The following DYNC2H1 variants were observed in gnomAD, a reference collection of about 807,000 sequenced individuals.
DYNC2H1 encodes dynein cytoplasmic 2 heavy chain 1, also known as cytoplasmic dynein 2 heavy chain 1.
A neutral mutation model predicts 570.0 loss-of-function variants in DYNC2H1; 410 were observed. That is an observed-to-expected ratio of 0.72 (90% CI 0.66 to 0.78). The LOEUF (loss-of-function observed/expected upper bound fraction) is 0.78. Among genes scored for constraint, DYNC2H1 ranks in the 30% least tolerant of loss-of-function variants. DYNC2H1 has a pLI of 0.00. For missense variants in DYNC2H1, 4,865 were observed against 5,046.4 expected (o/e 0.96, Z 1.09); for synonymous variants, 1,688 against 1,677.6 (o/e 1.01, Z -0.15).
At position 103,334,236 on chromosome 11, in the gene DYNC2H1, A is replaced by G. The variant is rs1938993405; in HGVS notation, c.12039+10246A>G. On this transcript the variant is annotated intron_variant, in intron 82 of 88. Transcript: ENST00000375735. The surrounding 1 kb of genome is among the most constrained non-coding windows in gnomAD (Gnocchi z 4.3). Reference sequence around the variant, plus strand: ...TGAGGCAAACACAATAATCTATTCTAGTCTCTTCACCAGGTAGCTGTGTGA... The same window carrying G: ...TGAGGCAAACACAATAATCTATTCTGGTCTCTTCACCAGGTAGCTGTGTGA... 6.6e-6 allele frequency among the ~76,000 whole-genome samples: 1 copy of G among 152,204 alleles called. No individual in the cohort carries two copies. Among genetic ancestry groups the G allele is most frequent in the African/African-American group, 2.4e-5 (1 of 41,460 alleles).
Position 103,241,972 on chromosome 11 carries a change from A to G in DYNC2H1, c.9820-1721A>G, listed in dbSNP as rs1177877762. ...ATATAAAACTATTCGTCCACAGGGCAGATAATTCCCACTATCTCCCTCCCT... is the reference window on the plus strand; with the variant it reads ...ATATAAAACTATTCGTCCACAGGGCGGATAATTCCCACTATCTCCCTCCCT... On this transcript the variant is annotated intron_variant, in intron 63 of 88. Transcript: ENST00000375735. This position sits in a 1 kb window ranked among gnomAD's most constrained non-coding sequence, Gnocchi z 5.1. 6.6e-6 allele frequency among the ~76,000 whole-genome samples: 1 copy of G among 152,150 alleles called. No homozygotes were observed. Among genetic ancestry groups the G allele is most frequent in the African/African-American group, 2.4e-5 (1 of 41,422 alleles).
rs61565760 is a variant in DYNC2H1, at chr11:103,446,037, T to TTTGTTGTTGTTGTTG, written c.12457-9131_12457-9117dup. Among the ~76,000 whole-genome samples, 252 of 150,588 alleles carry TTTGTTGTTGTTGTTG rather than the reference T, an allele frequency of 1.7e-3. 5 individuals carry two copies. In the South Asian group the frequency reaches 0.018, roughly 11 times the overall value. On this transcript the variant is annotated intron_variant, in intron 85 of 88. Coordinates refer to ENST00000375735, the MANE Select transcript of DYNC2H1 (RefSeq NM_001377.3). The surrounding 1 kb of genome is among the most constrained non-coding windows in gnomAD (Gnocchi z 4.5). ...TGACAATATGGTAATAGAGCAGAGT[T>TTTGTTGTTGTTGTTG]TTGTTGTTGTTGTTGTTGTTGTTGT... is the stretch of plus-strand genomic sequence containing the variant.
At chr11:103,159,135 C>A in intron 28 of DYNC2H1, 108 bp downstream of exon 28, 2 of 778,010 alleles carry the variant, frequency 2.6e-6, no homozygotes, top group Non-Finnish European at 4.1e-6. Flanking sequence ...AGTTCATATA[C>A]CCAAATACAG....
In DYNC2H1 at chr11:103,188,658, T is replaced by C; in HGVS notation, c.7292+10T>C. 1 of 1,507,858 alleles carries C rather than the reference T, an allele frequency of 6.6e-7. No homozygotes were observed. The highest frequency in any genetic ancestry group is 1.5e-5 in the South Asian group (1 of 66,940). 93.4% of individuals were successfully genotyped at this position (1,507,858 alleles called of 1,614,324 possible). A position where few individuals can be genotyped will look rare whatever the true frequency, so the allele number is the denominator to read the frequency against. Reference sequence around the variant, plus strand: ...GTCTTTGTTCTATAGAGTATGTATCTTTGTGTTTCAGATTTTTTAATTTGG... The same window carrying C: ...GTCTTTGTTCTATAGAGTATGTATCCTTGTGTTTCAGATTTTTTAATTTGG... On this transcript the variant is annotated intron_variant, in intron 44 of 88. Coordinates refer to ENST00000375735, the MANE Select transcript of DYNC2H1 (RefSeq NM_001377.3).
At chr11:103,128,889 A>T in intron 12 of DYNC2H1, 21 bp from the exon 13 acceptor site, 1 of 1,501,106 alleles carries the variant, frequency 6.7e-7, no homozygotes, top group South Asian at 1.3e-5. Flanking sequence ...AATTATTACT[A>T]ATTGGACTTT....
chr11:103,176,150 T>C, intron 36 of DYNC2H1, 85 bp from the exon 37 acceptor site: 1 of 972,722 alleles, frequency 1.0e-6, no homozygotes. Flanking sequence ...TGATTAATAA[T>C]GCATATCAAG....
chr11:103,191,000 C>G (rs1435518415), intron 45 of DYNC2H1, among the ~76,000 whole-genome samples: 2 of 143,860 alleles, frequency 1.4e-5, no homozygotes, highest in Admixed American at 6.9e-5. Context: ...GCCTATGAAC[C>G]CTTCTTAGAA....
intron 87 of DYNC2H1, among the ~76,000 whole-genome samples, chr11:103,459,963 AAAAAAG>A (rs1246974877): frequency 1.3e-5 from 2 of 150,460 alleles, no homozygotes; most frequent in East Asian, 2.1e-4. Flanking sequence ...CGTCTCAAAA[AAAAAAG>A]AAAAAAAAAA....
intron 88 of DYNC2H1, among the ~76,000 whole-genome samples, chr11:103,478,305 A>G (rs535494798): frequency 5.3e-5 from 8 of 152,326 alleles, no homozygotes; most frequent in African/African-American, 1.9e-4. Context: ...AAAAAAATTG[A>G]TAAGTGGAAG....
At chr11:103,303,889 T>A (rs1382622044) in intron 76 of DYNC2H1, among the ~76,000 whole-genome samples, 1 of 152,154 alleles carries the variant, frequency 6.6e-6, no homozygotes, top group African/African-American at 2.4e-5. Context: ...TTTACTTGGA[T>A]GCTTTTATAA....
chr11:103,223,132 C>A, intron 59 of DYNC2H1, 46 bp downstream of exon 59: 1 of 1,496,966 alleles, frequency 6.7e-7, no homozygotes, highest in South Asian at 1.3e-5. Flanking sequence ...TTATTTTCAT[C>A]AGTTTGATGA....
In DYNC2H1 at chr11:103,236,502, A is replaced by G. The variant is rs370409886; in HGVS notation, c.9782A>G (p.Asp3261Gly). 3.7e-6 allele frequency: 6 copies of G among 1,606,206 alleles called. No individual in the cohort carries two copies. The African/African-American group carries it at 8.0e-5, about 21-fold the overall frequency. ...LIWKSEGLPSDDLSIENALVI... is the reference protein window; with the variant it reads ...LIWKSEGLPSGDLSIENALVI... ...TGGAAAAGTGAAGGCCTACCATCAG[A>G]TGACCTTTCCATAGAAAATGCTCTT... is the stretch of plus-strand genomic sequence containing the variant. Residue 3261 changes from aspartate (D) to glycine (G), a missense_variant, in exon 63 of 89, where the codon GAT (aspartate) becomes GGT (glycine). By Grantham distance (94) the Asp-to-Gly change is moderately conservative. Coordinates refer to ENST00000375735, the MANE Select transcript of DYNC2H1 (RefSeq NM_001377.3).
intron 85 of DYNC2H1, among the ~76,000 whole-genome samples, chr11:103,444,809 G>A (rs944112341): frequency 6.6e-6 from 1 of 152,178 alleles, no homozygotes; most frequent in African/African-American, 2.4e-5. Flanking sequence ...TCTGAGACAG[G>A]AATGTGCTTT....
chr11:103,327,092 C>T (rs1331216488), intron 82 of DYNC2H1, among the ~76,000 whole-genome samples: 1 of 152,094 alleles, frequency 6.6e-6, no homozygotes, highest in Non-Finnish European at 1.5e-5. Flanking sequence ...GGGAACAGCC[C>T]CGAGCATTAT....
At chr11:103,455,987 A>T (rs764202443) in intron 86 of DYNC2H1, among the ~76,000 whole-genome samples, 17 of 152,154 alleles carry the variant, frequency 1.1e-4, no homozygotes, top group Admixed American at 1.1e-3. Flanking sequence ...ACATTTATTG[A>T]ACACCCATCG....
Position 103,153,329 on chromosome 11 carries a change from A to G in DYNC2H1, c.3123A>G (p.Lys1041=). The G allele has an allele frequency of 6.5e-7, 1 of 1,539,302 alleles. No individual in the cohort carries two copies. Among genetic ancestry groups the G allele is most frequent in the Non-Finnish European group, 8.7e-7 (1 of 1,143,986 alleles). The change falls in exon 22 of 89, where the codon AAA becomes AAG. Residue 1041 remains lysine (K), a synonymous_variant. Coordinates refer to ENST00000375735, the MANE Select transcript of DYNC2H1 (RefSeq NM_001377.3). ...DQIEVMKGNV[K]SRLQIYYQEL... The stretch of plus-strand genomic sequence containing the variant: ...TTGAAGTGATGAAAGGAAATGTGAA[A>G]TCACGTCTTCAGATCTATTATCAAG...
chr11:103,125,363 A>AG, intron 12 of DYNC2H1, 68 bp downstream of exon 12: 3 of 1,073,062 alleles, frequency 2.8e-6, no homozygotes, highest in Non-Finnish European at 3.8e-6. Flanking sequence ...AATATGCTAA[A>AG]GGCTTTTTTT....
intron 46 of DYNC2H1, among the ~76,000 whole-genome samples, chr11:103,191,884 A>C (rs1490599694): frequency 6.6e-6 from 1 of 152,058 alleles, no homozygotes; most frequent in Non-Finnish European, 1.5e-5. Context: ...TTGTTGAACA[A>C]CTAGAGATGA....
chr11:103,354,189 A>T (rs1249038130), intron 82 of DYNC2H1, among the ~76,000 whole-genome samples: 8 of 150,680 alleles, frequency 5.3e-5, no homozygotes, highest in Non-Finnish European at 8.9e-5. Context: ...AACAAAAAAA[A>T]AAAAAAAAAA....
Sources: gnomAD v4.1 joint callset for allele counts (sites outside exome capture counted in the v4.1 genomes callset) on GRCh38, gnomAD v4.1.1 for gene constraint, Gnocchi (gnomAD v3.1) non-coding constraint, MANE v1.5 for transcripts, NCBI Gene and HGNC (gene_info 2026-07-23, HGNC 2026-07-21) for gene names.